The following GABRA2 variants were observed in gnomAD, a reference collection of about 807,000 sequenced individuals.
The protein encoded by GABRA2 is gamma-aminobutyric acid receptor subunit alpha-2.
In GABRA2, 16 loss-of-function variants were observed where a neutral mutation model predicts 48.7. The observed-to-expected ratio is 0.33, with a 90% CI of 0.22 to 0.50. GABRA2 has a LOEUF of 0.50. GABRA2 is among the 20% of genes least tolerant of loss of function. The probability of loss-of-function intolerance (pLI) is 0.98; values close to 1 mark genes in which losing one functional copy is unlikely to be tolerated. For synonymous variants in GABRA2, 185 were observed against 184.5 expected, an observed-to-expected ratio of 1.00 and a Z score of -0.02; for missense variants, 275 against 535.6, an observed-to-expected ratio of 0.51 and a Z score of 4.80.
intron 3 of GABRA2, among the ~76,000 whole-genome samples, chr4:46,351,078 C>T (rs1363168144): frequency 3.3e-5 from 5 of 151,492 alleles, no homozygotes; most frequent in African/African-American, 1.2e-4. Flanking sequence ...CTTTCTATCA[C>T]TTCAACTCAT....
At chr4:46,388,554 T>A in intron 2 of GABRA2, 82 bp downstream of exon 2, 2 of 1,518,366 alleles carry the variant, frequency 1.3e-6, no homozygotes, top group Non-Finnish European at 1.8e-6. Context: ...TAAAACACCC[T>A]TGATTTTCAA....
chr4:46,338,331 A>T (rs1159118262), intron 3 of GABRA2, among the ~76,000 whole-genome samples: 1 of 151,948 alleles, frequency 6.6e-6, no homozygotes, highest in East Asian at 1.9e-4. Flanking sequence ...AGGAAAACTA[A>T]TTATAATTTG....
chr4:46,277,179 G>A (rs1006457383), intron 8 of GABRA2, among the ~76,000 whole-genome samples: 4 of 152,070 alleles, frequency 2.6e-5, no homozygotes, highest in Admixed American at 6.6e-5. Flanking sequence ...GCTGCCTCTA[G>A]ACTAGAATAA....
At chr4:46,369,075 A>T in intron 3 of GABRA2, 1 of 682,810 alleles carries the variant, frequency 1.5e-6, no homozygotes, top group Non-Finnish European at 2.7e-6. Flanking sequence ...ACTAAAAGTT[A>T]GAAATCTGGC....
At chr4:46,352,041 C>G (rs1735217342) in intron 3 of GABRA2, among the ~76,000 whole-genome samples, 1 of 151,506 alleles carries the variant, frequency 6.6e-6, no homozygotes, top group Non-Finnish European at 1.5e-5. Context: ...GCTGCTGTTT[C>G]AGCTCTCCAA....
At chr4:46,335,508 T>C (rs925277143) in intron 3 of GABRA2, among the ~76,000 whole-genome samples, 5 of 152,146 alleles carry the variant, frequency 3.3e-5, no homozygotes, top group Admixed American at 6.6e-5. Context: ...AATTTCGCTC[T>C]TATTGCCCAG....
At chr4:46,332,895 T>C (rs1440097302) in intron 3 of GABRA2, among the ~76,000 whole-genome samples, 1 of 152,146 alleles carries the variant, frequency 6.6e-6, no homozygotes, top group Non-Finnish European at 1.5e-5. Context: ...ATAGAAGTAT[T>C]ATGACATTCT....
intron 8 of GABRA2, among the ~76,000 whole-genome samples, chr4:46,270,242 T>C (rs1342409262): frequency 6.6e-6 from 1 of 152,028 alleles, no homozygotes; most frequent in African/African-American, 2.4e-5. Context: ...TAACTTTCTG[T>C]CTAGATCCGC....
intron 3 of GABRA2, among the ~76,000 whole-genome samples, chr4:46,379,351 T>C (rs1367969596): frequency 6.6e-6 from 1 of 152,100 alleles, no homozygotes; most frequent in African/African-American, 2.4e-5. Context: ...GCCTCCCCAA[T>C]GGCATCCCAC....
At chr4:46,271,286 A>C (rs1719286938) in intron 8 of GABRA2, among the ~76,000 whole-genome samples, 1 of 151,974 alleles carries the variant, frequency 6.6e-6, no homozygotes, top group Middle Eastern at 3.2e-3. Flanking sequence ...CCAATGGATA[A>C]AAATTGAAAG....
intron 4 of GABRA2, 31 bp from the exon 5 acceptor site, chr4:46,312,747 T>G (rs2109692990): frequency 8.6e-7 from 1 of 1,165,326 alleles, no homozygotes; most frequent in East Asian, 2.6e-5. Flanking sequence ...TTTTTGAAAA[T>G]AGTAAATGTT....
chr4:46,250,454 G>C lies in GABRA2; in HGVS notation c.1210C>G (p.Pro404Ala). ...TTGAAAGTTTTCTTTGCTTCAGCTG[G>C]CTTGTTTTCTGGCTTCTTGTTGGGT... ...PEPNKKPENK[P>A]AEAKKTFNSV... Residue 404 changes from proline to alanine, a missense_variant, in exon 10 of 10, where the codon CCA becomes GCA. Pro to Ala is a conservative substitution (Grantham distance 27, BLOSUM62 -1). Coordinates refer to ENST00000381620, the MANE Select transcript of GABRA2 (RefSeq NM_000807.4). 6.2e-7 allele frequency: 1 copy of C among 1,612,082 alleles called. No individual in the cohort carries two copies. The highest frequency in any genetic ancestry group is 1.3e-5 in the African/African-American group (1 of 74,834).
rs377577487 is a variant in GABRA2 at position 46,328,335 on chromosome 4, G to A, written c.255+4280C>T. ...GTGTGTGTGTTTGCATATTCTTTTG[G>A]TTCATAATTCTTTTTGCTATGCTGC... is the stretch of plus-strand genomic sequence containing the variant. On this transcript the variant is annotated intron_variant, in intron 4 of 9. Coordinates refer to ENST00000381620, the MANE Select transcript of GABRA2 (RefSeq NM_000807.4). Among the ~76,000 whole-genome samples, 9 of 151,060 alleles carry A rather than the reference G, an allele frequency of 6.0e-5. No homozygotes were observed. The East Asian group carries it at 1.8e-3, about 30-fold the overall frequency.
chr4:46,258,849 C>T (rs1031675757), intron 9 of GABRA2, among the ~76,000 whole-genome samples: 3 of 151,694 alleles, frequency 2.0e-5, no homozygotes, highest in African/African-American at 7.3e-5. Flanking sequence ...AGGTTATTAG[C>T]GCTCTTCAGC....
intron 4 of GABRA2, among the ~76,000 whole-genome samples, chr4:46,325,741 T>C (rs182038841): frequency 7.6e-4 from 116 of 152,128 alleles, no homozygotes; most frequent in African/African-American, 2.7e-3. Context: ...CCATCTTGAG[T>C]TGATTTTTGT....
At chr4:46,257,515 A>G (rs1716077829) in intron 9 of GABRA2, among the ~76,000 whole-genome samples, 1 of 151,698 alleles carries the variant, frequency 6.6e-6, no homozygotes, top group African/African-American at 2.4e-5. Context: ...ACCAATTCTC[A>G]TTTCTAAAAT....
intron 8 of GABRA2, among the ~76,000 whole-genome samples, chr4:46,292,946 T>C (rs1188744215): frequency 1.3e-5 from 2 of 152,116 alleles, no homozygotes; most frequent in African/African-American, 4.8e-5. Context: ...AAAATTTAAA[T>C]ATAATGGGAA....
chr4:46,388,597 G>A, intron 2 of GABRA2, 39 bp downstream of exon 2: 2 of 1,609,030 alleles, frequency 1.2e-6, no homozygotes, highest in Non-Finnish European at 1.7e-6. Flanking sequence ...ACACATCTTT[G>A]CCCTGAATTA....
In GABRA2 at chr4:46,245,022, T is replaced by G. The variant is rs766217602; in HGVS notation, c.*5286A>C. Among the ~76,000 whole-genome samples the G allele has an allele frequency of 3.3e-5, 5 of 151,410 alleles. No individual in the cohort carries two copies. Among genetic ancestry groups the G allele is most frequent in the African/African-American group, 4.8e-5 (2 of 41,388 alleles). On this transcript the variant is annotated 3_prime_UTR_variant, in exon 10 of 10. Coordinates refer to ENST00000381620, the MANE Select transcript of GABRA2 (RefSeq NM_000807.4). The stretch of plus-strand genomic sequence containing the variant: ...AAAAAACACAGGTTTTTGGTTTTTT[T>G]GTTGTTTTTTGTTTTTTTGTTTGTT...
Sources: allele counts gnomAD v4.1 joint callset (sites outside exome capture counted in the v4.1 genomes callset), GRCh38; gene constraint gnomAD v4.1.1; transcripts MANE v1.5; gene names NCBI Gene and HGNC (gene_info 2026-07-23, HGNC 2026-07-21).